Variants in SAMD3 observed in about 807,000 individuals in gnomAD.
SAMD3 encodes sterile alpha motif domain containing 3.
SAMD3 carries 63 observed loss-of-function variants against 58.5 expected under a neutral mutation model. That is an observed-to-expected ratio of 1.08 (90% CI 0.88 to 1.33). SAMD3 has a LOEUF of 1.33. SAMD3 is among the 40% of genes most tolerant of loss of function. The pLI, the probability that SAMD3 is intolerant of heterozygous loss-of-function variation, is 0.00. For missense variants in SAMD3, 604 were observed against 608.4 expected, an observed-to-expected ratio of 0.99 and a Z score of 0.08; for synonymous variants, 220 against 210.3, an observed-to-expected ratio of 1.05 and a Z score of -0.40.
At chr6:130,312,851 C>CT in intron 2 of SAMD3, 1 of 152,246 alleles carries the variant, frequency 6.6e-6, no homozygotes, top group East Asian at 1.9e-4. Context: ...ATGTTAGACA[C>CT]TTTTTCTCAA....
intron 2 of SAMD3, among the ~76,000 whole-genome samples, chr6:130,294,842 TA>T (rs1476518623): frequency 1.3e-5 from 2 of 151,818 alleles, no homozygotes; most frequent in Admixed American, 1.3e-4. Flanking sequence ...TATTTATTGT[TA>T]TTGTATTTCT....
At chr6:130,309,088 G>A (rs1776047632) in intron 2 of SAMD3, among the ~76,000 whole-genome samples, 1 of 152,156 alleles carries the variant, frequency 6.6e-6, no homozygotes, top group Non-Finnish European at 1.5e-5. Context: ...TGACCCTAGT[G>A]AGAAGAGAGC....
rs893913754 is a variant in SAMD3, at chr6:130,328,179, C to T, written c.-303-15086G>A. Among the ~76,000 whole-genome samples the T allele has an allele frequency of 3.9e-5, 6 of 152,232 alleles. No individual in the cohort carries two copies. In the South Asian group the frequency reaches 1.0e-3, roughly 26 times the overall value. On this transcript the variant is annotated intron_variant, in intron 1 of 13. Transcript: ENST00000368134. Reference sequence around the variant, plus strand: ...TGGGATAATTGGCTGATACCCTTTCCACAGTTGCTCCTGGTAAGCCTATCG... The same window carrying T: ...TGGGATAATTGGCTGATACCCTTTCTACAGTTGCTCCTGGTAAGCCTATCG...
intron 1 of SAMD3, among the ~76,000 whole-genome samples, chr6:130,332,496 T>C (rs1370380146): frequency 1.3e-5 from 2 of 152,214 alleles, no homozygotes; most frequent in Middle Eastern, 3.4e-3. Context: ...AAGGTAGCAG[T>C]TGAGGTGGGT....
At chr6:130,350,788 G>A (rs1408448423) in intron 1 of SAMD3, among the ~76,000 whole-genome samples, 1 of 151,438 alleles carries the variant, frequency 6.6e-6, no homozygotes, top group Non-Finnish European at 1.5e-5. Context: ...AAAAGTTTAG[G>A]CAAAGCTGGA....
In SAMD3 at chr6:130,343,888, C is replaced by T. The variant is rs922605800; in HGVS notation, c.-304+21232G>A. ...GCCGAGGCGGGAGAATCGCTTGAAC[C>T]GGGGAGGTGGAAGTTACAGTGAACC... is the stretch of plus-strand genomic sequence containing the variant. On this transcript the variant is annotated intron_variant, in intron 1 of 13. Coordinates refer to the SAMD3 transcript ENST00000368134. 7.2e-5 allele frequency among the ~76,000 whole-genome samples: 11 copies of T among 152,046 alleles called. No homozygotes were observed. The East Asian group carries it at 7.7e-4, about 11-fold the overall frequency.
At chr6:130,300,358 A>T (rs1049437014) in intron 2 of SAMD3, among the ~76,000 whole-genome samples, 3 of 152,138 alleles carry the variant, frequency 2.0e-5, no homozygotes, top group African/African-American at 4.8e-5. Flanking sequence ...AACCAAAATT[A>T]TATGATCATC....
At chr6:130,234,245 T>A (rs1796622122) in intron 2 of SAMD3, among the ~76,000 whole-genome samples, 1 of 152,016 alleles carries the variant, frequency 6.6e-6, no homozygotes, top group African/African-American at 2.4e-5. Flanking sequence ...CAAAATCCAT[T>A]TTTATTTATT....
chr6:130,186,631 A>G (rs1265066606), intron 5 of SAMD3, among the ~76,000 whole-genome samples: 3 of 152,054 alleles, frequency 2.0e-5, no homozygotes, highest in Non-Finnish European at 4.4e-5. Flanking sequence ...TTACTCTTTC[A>G]CAATCCTCAT....
chr6:130,161,199 C>A (rs1790248376), intron 8 of SAMD3: 1 of 152,136 alleles, frequency 6.6e-6, no homozygotes, highest in African/African-American at 2.4e-5. Context: ...GCTGAGTTAA[C>A]AGTGTTTATT....
At chr6:130,162,498 T>A (rs1020308655) in intron 8 of SAMD3, among the ~76,000 whole-genome samples, 16 of 151,016 alleles carry the variant, frequency 1.1e-4, no homozygotes, top group African/African-American at 3.9e-4. Context: ...GAAAATGGAA[T>A]AATTCTCTTT....
Position 130,214,450 on chromosome 6 carries a change from G to C in SAMD3, c.156C>G (p.His52Gln), listed in dbSNP as rs1562457632. 1 of 1,613,086 alleles carries C rather than the reference G, an allele frequency of 6.2e-7. No homozygotes were observed. The highest frequency in any genetic ancestry group is 8.5e-7 in the Non-Finnish European group (1 of 1,179,510). ...TAATTAAATCCATCAGAACAGCCTG[G>C]TGCCCAATTTTCTTTACCAGTTGCT... ...MVQQLVKKIG[H>Q]QAVLMDLIKK... is the part of the protein sequence containing the mutation. Residue 52 changes from histidine (H) to glutamine (Q), a missense_variant, in exon 4 of 12, where the codon CAC becomes CAG. Coordinates refer to ENST00000439090, the MANE Select transcript of SAMD3 (RefSeq NM_001017373.4).
chr6:130,348,937 C>T (rs1249651334), intron 1 of SAMD3, among the ~76,000 whole-genome samples: 1 of 152,078 alleles, frequency 6.6e-6, no homozygotes, highest in East Asian at 1.9e-4. Flanking sequence ...CTCAAAACCA[C>T]TCAACTACAT....
At chr6:130,214,561 C>T in intron 3 of SAMD3, 35 bp from the exon 4 acceptor site, 2 of 1,508,292 alleles carry the variant, frequency 1.3e-6, no homozygotes, top group Non-Finnish European at 1.8e-6. Context: ...TTCTACATGA[C>T]TTTCCGGCAA....
downstream of SAMD3, chr6:130,143,788 C>T (rs1788390774): frequency 6.6e-6 from 1 of 152,216 alleles, no homozygotes; most frequent in South Asian, 2.1e-4. Flanking sequence ...TGCACTGAGT[C>T]TTGTTAGACC....
chr6:130,244,565 G>T (rs577664896), intron 2 of SAMD3, among the ~76,000 whole-genome samples: 3 of 151,704 alleles, frequency 2.0e-5, no homozygotes, highest in African/African-American at 7.3e-5. Flanking sequence ...CATGAAGAAA[G>T]CCCATCTCTA....
chr6:130,275,543 C>T (rs1774744781), intron 2 of SAMD3, among the ~76,000 whole-genome samples: 2 of 152,086 alleles, frequency 1.3e-5, no homozygotes, highest in South Asian at 4.2e-4. Flanking sequence ...AACTAGAGTA[C>T]ACAGTTAAAG....
intron 8 of SAMD3, among the ~76,000 whole-genome samples, chr6:130,169,638 C>A (rs539628410): frequency 2.0e-5 from 3 of 152,208 alleles, no homozygotes; most frequent in African/African-American, 7.2e-5. Flanking sequence ...CCTGGATTGA[C>A]CATAGCAGGG....
intron 1 of SAMD3, among the ~76,000 whole-genome samples, chr6:130,335,467 C>A (rs1186156134): frequency 6.6e-6 from 1 of 152,192 alleles, no homozygotes; most frequent in East Asian, 1.9e-4. Context: ...TAGATACAAA[C>A]AAGTCAGATA....
Sources: allele counts gnomAD v4.1 joint callset (sites outside exome capture counted in the v4.1 genomes callset), GRCh38; gene constraint gnomAD v4.1.1; transcripts MANE v1.5; gene names NCBI Gene and HGNC (gene_info 2026-07-23, HGNC 2026-07-21).